ANKFN1: variants seen among roughly 807,000 people sequenced by gnomAD.
ANKFN1 encodes the protein ankyrin repeat and fibronectin type III domain containing 1, also known as ankyrin repeat and fibronectin type-III domain-containing protein 1.
ANKFN1 carries 74 observed loss-of-function variants against 108.7 expected under a neutral mutation model. That is an observed-to-expected ratio of 0.68 (90% CI 0.56 to 0.83). The LOEUF (loss-of-function observed/expected upper bound fraction) is 0.83. ANKFN1 is among the 40% of genes least tolerant of loss of function. The pLI is 0.00. For missense variants in ANKFN1, 1,505 were observed against 1,382.3 expected, an observed-to-expected ratio of 1.09 and a Z score of -1.41; for synonymous variants, 547 against 516.2, an observed-to-expected ratio of 1.06 and a Z score of -0.81.
intron 1 of ANKFN1, chr17:56,174,532 C>T: frequency 1.9e-6 from 1 of 525,892 alleles, no homozygotes; most frequent in Non-Finnish European, 2.4e-6. Context: ...AGCCTCTCCC[C>T]CTTCTCACCA....
intron 1 of ANKFN1, among the ~76,000 whole-genome samples, chr17:56,211,152 G>C (rs918841879): frequency 2.6e-5 from 4 of 152,096 alleles, no homozygotes; most frequent in Admixed American, 6.5e-5. Flanking sequence ...TTTGATTTTG[G>C]GTTCTTGATT....
Position 56,497,035 on chromosome 17 carries a change from C to CA in ANKFN1, c.2428-1840dup, listed in dbSNP as rs370994505. The stretch of plus-strand genomic sequence containing the variant: ...CATACCTACTCTGCAAAGCTGAAAG[C>CA]AAAAAAATACCAAAACACAATCCCT... On this transcript the variant is annotated intron_variant, in intron 19 of 20. Coordinates refer to ENST00000682825, the MANE Select transcript of ANKFN1 (RefSeq NM_001370326.1). Among the ~76,000 whole-genome samples, 388 of 152,052 alleles carry CA rather than the reference C, an allele frequency of 2.6e-3. 1 individual carries two copies. Among genetic ancestry groups the CA allele is most frequent in the African/African-American group, 8.9e-3 (369 of 41,496 alleles).
At chr17:56,356,657 T>C (rs2046385201) in intron 6 of ANKFN1, among the ~76,000 whole-genome samples, 1 of 152,112 alleles carries the variant, frequency 6.6e-6, no homozygotes, top group African/African-American at 2.4e-5. Flanking sequence ...AACTGGAGGA[T>C]TTGGAAGGAT....
chr17:56,091,741 G>A lies in ANKFN1; in HGVS notation c.288+45416G>A, dbSNP rs939519768. On this transcript the variant is annotated intron_variant, in intron 4 of 12. Transcript: ENST00000635860. ...AGGGAGATGCTCAGGATTGACCTAA[G>A]CTAAAGCAGCCAGAGACTATGTGGT... Among the ~76,000 whole-genome samples the A allele has an allele frequency of 6.6e-5, 10 of 151,486 alleles. 1 individual carries two copies. The highest frequency in any genetic ancestry group is 1.3e-4 in the Non-Finnish European group (9 of 67,776).
At chr17:56,316,054 C>A (rs901739444) in intron 3 of ANKFN1, among the ~76,000 whole-genome samples, 1 of 152,164 alleles carries the variant, frequency 6.6e-6, no homozygotes, top group Non-Finnish European at 1.5e-5. Flanking sequence ...GACATTTGTA[C>A]AGCAAACTTC....
intron 8 of ANKFN1, among the ~76,000 whole-genome samples, chr17:56,388,162 G>A (rs2047329484): frequency 1.4e-5 from 2 of 146,562 alleles, no homozygotes; most frequent in Admixed American, 1.4e-4. Flanking sequence ...TTTTTGAGAT[G>A]GAGTCTCACT....
At chr17:56,235,582 T>C (rs1388837780) in intron 3 of ANKFN1, among the ~76,000 whole-genome samples, 1 of 152,206 alleles carries the variant, frequency 6.6e-6, no homozygotes, top group Non-Finnish European at 1.5e-5. Context: ...GGCTAGCCTG[T>C]TACCCCAGCA....
chr17:56,285,103 C>A (rs1323301730), intron 3 of ANKFN1, among the ~76,000 whole-genome samples: 1 of 152,174 alleles, frequency 6.6e-6, no homozygotes, highest in Non-Finnish European at 1.5e-5. Flanking sequence ...GAGAAATCTA[C>A]AACTACAATG....
chr17:56,316,513 G>T (rs2037896560), intron 3 of ANKFN1, among the ~76,000 whole-genome samples: 1 of 152,098 alleles, frequency 6.6e-6, no homozygotes, highest in African/African-American at 2.4e-5. Flanking sequence ...AAATACGGAA[G>T]GCTTCTTTAG....
chr17:56,493,985 T>C (rs1478941311), intron 19 of ANKFN1, among the ~76,000 whole-genome samples: 1 of 152,162 alleles, frequency 6.6e-6, no homozygotes, highest in African/African-American at 2.4e-5. Context: ...CTGAGAGAAT[T>C]CAATGAGATA....
chr17:56,428,803 A>G (rs1330238403), intron 8 of ANKFN1, among the ~76,000 whole-genome samples: 2 of 151,932 alleles, frequency 1.3e-5, no homozygotes, highest in Non-Finnish European at 2.9e-5. Flanking sequence ...AGCAGACTGT[A>G]GATGAGGTGA....
intron 4 of ANKFN1, among the ~76,000 whole-genome samples, chr17:56,129,776 C>G (rs1907168883): frequency 6.6e-6 from 1 of 152,136 alleles, no homozygotes; most frequent in South Asian, 2.1e-4. Flanking sequence ...GTAAGGAAAG[C>G]CTTAGACCAG....
At chr17:56,109,169 G>T (rs1467277011) in intron 4 of ANKFN1, among the ~76,000 whole-genome samples, 1 of 152,184 alleles carries the variant, frequency 6.6e-6, no homozygotes, top group Non-Finnish European at 1.5e-5. Flanking sequence ...CAGTCAGAAT[G>T]AGCTTATGTC....
intron 4 of ANKFN1, among the ~76,000 whole-genome samples, chr17:56,337,891 T>C (rs568642739): frequency 3.3e-5 from 5 of 152,280 alleles, no homozygotes; most frequent in African/African-American, 1.2e-4. Flanking sequence ...TGGAAGACAG[T>C]GTGGGGATTC....
intron 3 of ANKFN1, among the ~76,000 whole-genome samples, chr17:56,322,406 T>A (rs1264142402): frequency 6.6e-6 from 1 of 152,210 alleles, no homozygotes; most frequent in Non-Finnish European, 1.5e-5. Flanking sequence ...TTCTCACCAC[T>A]ATCCACAATG....
intron 4 of ANKFN1, among the ~76,000 whole-genome samples, chr17:56,060,752 G>A (rs922579725): frequency 6.6e-6 from 1 of 152,174 alleles, no homozygotes; most frequent in Non-Finnish European, 1.5e-5. Flanking sequence ...TGTGTATGTT[G>A]AACCAGCTTT....
intron 8 of ANKFN1, among the ~76,000 whole-genome samples, chr17:56,390,081 C>A (rs555108307): frequency 6.6e-6 from 1 of 151,710 alleles, no homozygotes; most frequent in Admixed American, 6.6e-5. Flanking sequence ...GTAGAACATG[C>A]AGGTTTGTTA....
rs75599990 is a variant in ANKFN1, at chr17:56,457,317, T to C, written c.1368T>C (p.Asp456=). 1,239 of 1,606,660 alleles carry C rather than the reference T, an allele frequency of 7.7e-4. 10 individuals are homozygous for C. The South Asian group carries it at 7.8e-3, about 10-fold the overall frequency. Residue 456 remains aspartate (D), a synonymous_variant, in exon 13 of 21, where the codon GAT becomes GAC. Coordinates refer to ENST00000682825, the MANE Select transcript of ANKFN1 (RefSeq NM_001370326.1). ...ACAATATCTTAGTCACCAATGAAGA[T>C]CAAGTACCAATTGTTGAAATAGATG... The part of the protein sequence containing the change: ...YKDNILVTNE[D]QVPIVEIDDS...
At chr17:56,413,008 A>G (rs906964282) in intron 8 of ANKFN1, among the ~76,000 whole-genome samples, 1 of 152,008 alleles carries the variant, frequency 6.6e-6, no homozygotes, top group Non-Finnish European at 1.5e-5. Context: ...TTGTTTCTAT[A>G]GTGTCTTGTT....
Sources: allele counts gnomAD v4.1 joint callset (sites outside exome capture counted in the v4.1 genomes callset), GRCh38; gene constraint gnomAD v4.1.1; transcripts MANE v1.5; gene names NCBI Gene and HGNC (gene_info 2026-07-23, HGNC 2026-07-21).